RREB1: variants seen among roughly 807,000 people sequenced by gnomAD.
RREB1 encodes the protein ras-responsive element-binding protein 1.
RREB1 carries 27 observed loss-of-function variants against 117.8 expected under a neutral mutation model. That is an observed-to-expected ratio of 0.23 (90% CI 0.17 to 0.32). RREB1 has a LOEUF of 0.32. Among genes scored for constraint, RREB1 ranks in the 10% least tolerant of loss-of-function variants. The pLI, the probability that RREB1 is intolerant of heterozygous loss-of-function variation, is 1.00. For missense variants in RREB1, 2,577 were observed against 2,378.2 expected, an observed-to-expected ratio of 1.08 and a Z score of -1.74; for synonymous variants, 1,298 against 1,026.7, an observed-to-expected ratio of 1.26 and a Z score of -5.05.
chr6:7,251,431 C>CA lies in RREB1; in HGVS notation c.*2470dup, dbSNP rs1419052788. On this transcript the variant is annotated 3_prime_UTR_variant, in exon 13 of 13. Coordinates refer to ENST00000379938, the MANE Select transcript of RREB1 (RefSeq NM_001003699.4). ...CTTTCTCCTTCTCTCAGGGCTTTTA[C>CA]AAAAAAATATATATATATGGATCTT... 2 of 145,544 alleles carry CA rather than the reference C, an allele frequency of 1.4e-5. No individual in the cohort carries two copies. Among genetic ancestry groups the CA allele is most frequent in the Non-Finnish European group, 3.0e-5 (2 of 66,418 alleles). The allele number at this position is 145,544 out of a possible 1,614,324, so 9.0% of individuals were successfully genotyped here. A position where few individuals can be genotyped will look rare whatever the true frequency, so the allele number is the denominator to read the frequency against.
chr6:7,135,236 A>G (rs1029247367), intron 1 of RREB1, among the ~76,000 whole-genome samples: 11 of 152,198 alleles, frequency 7.2e-5, no homozygotes, highest in African/African-American at 2.4e-4. Flanking sequence ...CCTTCTTAGG[A>G]GGTGACACAA....
chr6:7,181,231 G>T lies in RREB1; in HGVS notation c.-58G>T. On this transcript the variant is annotated 5_prime_UTR_variant, in exon 3 of 13. Coordinates refer to ENST00000379938, the MANE Select transcript of RREB1 (RefSeq NM_001003699.4). The stretch of plus-strand genomic sequence containing the variant: ...GGGGAAAGTTTCATAGTCTATCAGT[G>T]GGTCAGAAAATGGAGGTAATCAGCA... 2.5e-6 allele frequency: 1 copy of T among 398,942 alleles called. No homozygotes were observed. 24.7% of individuals were successfully genotyped at this position (398,942 alleles called of 1,614,324 possible). A position where few individuals can be genotyped will look rare whatever the true frequency, so the allele number is the denominator to read the frequency against.
At chr6:7,227,541 A>T (rs896239069) in intron 9 of RREB1, among the ~76,000 whole-genome samples, 2 of 118,008 alleles carry the variant, frequency 1.7e-5, no homozygotes, top group Admixed American at 1.5e-4. Context: ...ACTCCGTCTA[A>T]GAAAAAAAAA....
chr6:7,238,739 C>T lies in RREB1; in HGVS notation c.3809-1699C>T, dbSNP rs923910161. Among the ~76,000 whole-genome samples the T allele has an allele frequency of 1.1e-4, 16 of 152,224 alleles. No homozygotes were observed. In the Middle Eastern group the frequency reaches 0.017, roughly 162 times the overall value. On this transcript the variant is annotated intron_variant, in intron 10 of 12. Transcript: ENST00000379938. ...TGGAGCTACTCAGAAGCACACAGGC[C>T]GGATTTCTGGGTGTCTGATTCTGCC...
intron 6 of RREB1, among the ~76,000 whole-genome samples, chr6:7,196,218 GTTTTTTTTTTTTGTTTT>G (rs1765663458): frequency 8.2e-6 from 1 of 121,470 alleles, no homozygotes; most frequent in African/African-American, 3.2e-5. Context: ...TTTTTTTTTC[GTTTTTTTTTTTTGTTTT>G]TTTTTTTTTT....
At chr6:7,224,292 C>CT (rs1387992570) in intron 8 of RREB1, among the ~76,000 whole-genome samples, 7 of 152,106 alleles carry the variant, frequency 4.6e-5, no homozygotes, top group Non-Finnish European at 1.0e-4. Flanking sequence ...CATTATATAT[C>CT]TTTTTTTAAA....
chr6:7,215,813 A>G (rs1766866600), intron 8 of RREB1: 1 of 152,216 alleles, frequency 6.6e-6, no homozygotes, highest in Non-Finnish European at 1.5e-5. Context: ...GGTGTGTGTG[A>G]CGTGACCCCA....
intron 1 of RREB1, among the ~76,000 whole-genome samples, chr6:7,138,033 A>G (rs993335316): frequency 2.0e-5 from 3 of 152,326 alleles, no homozygotes; most frequent in African/African-American, 7.2e-5. Flanking sequence ...TATCACTGCA[A>G]AAAGCATTAG....
intron 1 of RREB1, among the ~76,000 whole-genome samples, chr6:7,161,104 T>G (rs761859729): frequency 1.3e-5 from 2 of 152,178 alleles, no homozygotes; most frequent in Non-Finnish European, 2.9e-5. Flanking sequence ...GTGCTGGGAT[T>G]ACAGGTGTGA....
At chr6:7,159,913 C>A (rs1042329415) in intron 1 of RREB1, among the ~76,000 whole-genome samples, 1 of 152,158 alleles carries the variant, frequency 6.6e-6, no homozygotes, top group East Asian at 1.9e-4. Context: ...ATGACTCTTG[C>A]ACTTGTCTAC....
In RREB1 at chr6:7,228,350, T is replaced by G. The variant is rs530810007; in HGVS notation, c.898-647T>G. Among the ~76,000 whole-genome samples the G allele has an allele frequency of 1.0e-3, 153 of 152,204 alleles. 3 individuals are homozygous for G. In the South Asian group the frequency reaches 0.031, roughly 31 times the overall value. Reference sequence around the variant, plus strand: ...TTACAAAGAGAATTAATTCTACCCTTGTGGTATTGTTACTTAACTATACTT... The same window carrying G: ...TTACAAAGAGAATTAATTCTACCCTGGTGGTATTGTTACTTAACTATACTT... On this transcript the variant is annotated intron_variant, in intron 9 of 12. Coordinates refer to ENST00000379938, the MANE Select transcript of RREB1 (RefSeq NM_001003699.4).
At chr6:7,161,506 T>C (rs997606751) in intron 1 of RREB1, among the ~76,000 whole-genome samples, 1 of 152,172 alleles carries the variant, frequency 6.6e-6, no homozygotes, top group Admixed American at 6.5e-5. Context: ...ACAATTAACA[T>C]GTATATTAGT....
intron 6 of RREB1, among the ~76,000 whole-genome samples, chr6:7,193,046 G>C (rs1385553364): frequency 6.6e-6 from 1 of 152,038 alleles, no homozygotes; most frequent in Non-Finnish European, 1.5e-5. Context: ...TGACCCATTG[G>C]TTATTTAGAA....
At chr6:7,109,816 T>A (rs1934594701) in intron 1 of RREB1, among the ~76,000 whole-genome samples, 4 of 152,116 alleles carry the variant, frequency 2.6e-5, no homozygotes, top group Admixed American at 2.6e-4. Flanking sequence ...TTTCTTCGTT[T>A]GAGGATGCTC....
At chr6:7,159,417 G>A (rs1413461831) in intron 1 of RREB1, among the ~76,000 whole-genome samples, 1 of 152,198 alleles carries the variant, frequency 6.6e-6, no homozygotes, top group African/African-American at 2.4e-5. Context: ...TAACGGGACA[G>A]CCGCATAGAT....
Position 7,229,657 on chromosome 6 carries a change from G to A in RREB1, c.1558G>A (p.Ala520Thr). Residue 520 changes from alanine to threonine, a missense_variant, in exon 10 of 13, where the codon GCC (alanine) becomes ACC (threonine). By Grantham distance (58) the Ala-to-Thr change is moderately conservative (BLOSUM62 0). Transcript: ENST00000379938. This position sits in a 1 kb window ranked among gnomAD's most constrained non-coding sequence, Gnocchi z 4.5. ...CCTGGTCACACCACGGACGGTGGTG[G>A]CCACCTCCACGCCCCCGCCTCTCAT... Reference protein sequence around the residue: ...KPLVTPRTVVATSTPPPLINA... With the variant: ...KPLVTPRTVVTTSTPPPLINA... The A allele has an allele frequency of 6.2e-7, 1 of 1,611,512 alleles. No homozygotes were observed. Among genetic ancestry groups the A allele is most frequent in the Non-Finnish European group, 8.5e-7 (1 of 1,179,200 alleles).
chr6:7,140,031 GAC>G (rs1170524960), intron 1 of RREB1, among the ~76,000 whole-genome samples: 1 of 152,216 alleles, frequency 6.6e-6, no homozygotes, highest in Non-Finnish European at 1.5e-5. Context: ...TACTGCAAGA[GAC>G]AGATGAAAAT....
chr6:7,248,473 C>T, intron 12 of RREB1, 38 bp from the exon 13 acceptor site: 1 of 1,588,914 alleles, frequency 6.3e-7, no homozygotes, highest in Non-Finnish European at 8.6e-7. Flanking sequence ...GTACTGGTGC[C>T]TTTTGGTTAA....
intron 1 of RREB1, among the ~76,000 whole-genome samples, chr6:7,145,168 T>C (rs1762803082): frequency 6.6e-6 from 1 of 152,126 alleles, no homozygotes; most frequent in South Asian, 2.1e-4. Flanking sequence ...AAAACGAGCT[T>C]GTGTGTTAGT....
Sources: gnomAD v4.1 joint callset for allele counts (sites outside exome capture counted in the v4.1 genomes callset) on GRCh38, gnomAD v4.1.1 for gene constraint, Gnocchi (gnomAD v3.1) non-coding constraint, MANE v1.5 for transcripts, NCBI Gene and HGNC (gene_info 2026-07-23, HGNC 2026-07-21) for gene names.